The following CTDSPL variants were observed in gnomAD, a reference collection of about 807,000 sequenced individuals.
CTDSPL encodes CTD small phosphatase-like protein.
Under a neutral mutation model 30.5 loss-of-function variants are expected in CTDSPL, and 8 were observed. The observed-to-expected ratio is 0.26, with a 90% confidence interval of 0.15 to 0.47. The LOEUF (loss-of-function observed/expected upper bound fraction) is 0.47, where lower values mean the gene tolerates loss of function less well. Ranked by LOEUF, CTDSPL falls within the 20% of genes least tolerant of loss-of-function variation. The pLI, the probability that CTDSPL is intolerant of heterozygous loss-of-function variation, is 0.99. For synonymous variants in CTDSPL, 110 were observed against 137.9 expected, an observed-to-expected ratio of 0.80 and a Z score of 1.42; for missense variants, 248 against 366.1, an observed-to-expected ratio of 0.68 and a Z score of 2.63.
At chr3:37,956,465 T>C (rs1411917653) in intron 2 of CTDSPL, among the ~76,000 whole-genome samples, 3 of 152,228 alleles carry the variant, frequency 2.0e-5, no homozygotes, top group Admixed American at 6.5e-5. Flanking sequence ...ATCAATTAGG[T>C]TTGGAATGGC....
chr3:37,969,789 C>T (rs998007882), intron 5 of CTDSPL, among the ~76,000 whole-genome samples: 3 of 152,200 alleles, frequency 2.0e-5, no homozygotes, highest in East Asian at 1.9e-4. Context: ...CTCGCTCCAC[C>T]CTCAGCCACA....
In CTDSPL at chr3:37,984,456, C is replaced by T. The variant is rs1699531643; in HGVS notation, c.*3589C>T. ...TGATTTCCTTCCTGCCAAAAATAAACATGTGAAACTGCACTCTTTTGTGGA... is the reference window on the plus strand; with the variant it reads ...TGATTTCCTTCCTGCCAAAAATAAATATGTGAAACTGCACTCTTTTGTGGA... On this transcript the variant is annotated 3_prime_UTR_variant, in exon 8 of 8. Coordinates refer to ENST00000273179, the MANE Select transcript of CTDSPL (RefSeq NM_001008392.2). 2.6e-6 allele frequency: 1 copy of T among 385,612 alleles called. No homozygotes were observed. Among genetic ancestry groups the T allele is most frequent in the Non-Finnish European group, 5.3e-6 (1 of 187,566 alleles). 23.9% of individuals were successfully genotyped at this position (385,612 alleles called of 1,614,324 possible).
At chr3:37,950,044 C>T (rs1020481934) in intron 2 of CTDSPL, among the ~76,000 whole-genome samples, 1 of 152,242 alleles carries the variant, frequency 6.6e-6, no homozygotes, top group Non-Finnish European at 1.5e-5. Context: ...TTGGAAAGAG[C>T]TCGCACTGCC....
chr3:37,903,806 G>A (rs1411479856), intron 1 of CTDSPL, among the ~76,000 whole-genome samples: 1 of 152,186 alleles, frequency 6.6e-6, no homozygotes, highest in Non-Finnish European at 1.5e-5. Context: ...CTCTTCCCCA[G>A]AGAAGCTACA....
intron 1 of CTDSPL, among the ~76,000 whole-genome samples, chr3:37,876,358 C>T (rs1698134245): frequency 6.6e-6 from 1 of 152,158 alleles, no homozygotes. Flanking sequence ...ATAACCACTA[C>T]CACAATCAAG....
intron 1 of CTDSPL, among the ~76,000 whole-genome samples, chr3:37,865,854 G>A (rs1487075567): frequency 6.6e-6 from 1 of 152,072 alleles, no homozygotes; most frequent in African/African-American, 2.4e-5. Context: ...ATGTTTAATT[G>A]GCCAGAACCA....
intron 1 of CTDSPL, among the ~76,000 whole-genome samples, chr3:37,926,529 T>C (rs527545718): frequency 6.6e-5 from 10 of 152,364 alleles, no homozygotes; most frequent in Admixed American, 2.0e-4. Context: ...TATTCAGTTG[T>C]GAACCAGTTT....
rs74344132 is a variant in CTDSPL at position 37,946,652 on chromosome 3, C to T, written c.80-405C>T. On this transcript the variant is annotated intron_variant, in intron 1 of 7. Transcript: ENST00000273179. ...GTATCCATAATGGAGAGATGCTTCC[C>T]AGGGAGTGTCAAGTCGATTTGTGCC... Among the ~76,000 whole-genome samples the T allele has an allele frequency of 2.2e-4, 34 of 152,300 alleles. 1 individual carries two copies. The East Asian group carries it at 5.2e-3, about 23-fold the overall frequency.
chr3:37,960,515 T>A (rs1329781945), intron 3 of CTDSPL, among the ~76,000 whole-genome samples: 26 of 43,950 alleles, frequency 5.9e-4, no homozygotes, highest in African/African-American at 1.7e-3. Flanking sequence ...AATATATATA[T>A]ATATATATAT....
intron 1 of CTDSPL, among the ~76,000 whole-genome samples, chr3:37,899,165 A>G (rs1698421409): frequency 6.6e-6 from 1 of 152,232 alleles, no homozygotes; most frequent in Non-Finnish European, 1.5e-5. Flanking sequence ...GGAACCCAGA[A>G]GAGCAGTCTT....
intron 1 of CTDSPL, among the ~76,000 whole-genome samples, chr3:37,923,155 G>T (rs1356932739): frequency 6.6e-6 from 1 of 152,184 alleles, no homozygotes; most frequent in Non-Finnish European, 1.5e-5. Context: ...GTGGAGGGAG[G>T]GACAGTGGCG....
At chr3:37,944,148 C>A (rs958523258) in intron 1 of CTDSPL, among the ~76,000 whole-genome samples, 3 of 149,088 alleles carry the variant, frequency 2.0e-5, no homozygotes, top group Admixed American at 1.4e-4. Context: ...ACTGTTTACT[C>A]CCCCCCCATT....
intron 1 of CTDSPL, among the ~76,000 whole-genome samples, chr3:37,939,831 C>T (rs1698957523): frequency 6.6e-6 from 1 of 150,498 alleles, no homozygotes. Flanking sequence ...CGGTGGTTCA[C>T]GCCTATAATC....
intron 1 of CTDSPL, among the ~76,000 whole-genome samples, chr3:37,883,087 A>G (rs1208162793): frequency 1.3e-5 from 2 of 152,262 alleles, no homozygotes; most frequent in African/African-American, 4.8e-5. Flanking sequence ...TTGGGAATAA[A>G]GAAACTGAAT....
chr3:37,976,292 G>A lies in CTDSPL; in HGVS notation c.705+398G>A, dbSNP rs371877212. 1.8e-4 allele frequency among the ~76,000 whole-genome samples: 28 copies of A among 152,232 alleles called. No homozygotes were observed. In the South Asian group the frequency reaches 2.9e-3, roughly 16 times the overall value. ...AGCCAGCTACTGCGTAGGACTTCATGACCCCTGTAGACTAAGGAGGCCTGG... is the reference window on the plus strand; with the variant it reads ...AGCCAGCTACTGCGTAGGACTTCATAACCCCTGTAGACTAAGGAGGCCTGG... On this transcript the variant is annotated intron_variant, in intron 7 of 7. Transcript: ENST00000273179.
At chr3:37,890,518 T>A (rs80288276) in intron 1 of CTDSPL, among the ~76,000 whole-genome samples, 4,511 of 152,316 alleles carry the variant, frequency 0.03, 176 homozygotes, top group African/African-American at 0.091. Context: ...CTCAAAGTAG[T>A]GGGTTTTAAA....
intron 5 of CTDSPL, 119 bp downstream of exon 5, chr3:37,968,001 G>A (rs1699318908): frequency 4.4e-6 from 3 of 682,068 alleles, no homozygotes; most frequent in South Asian, 1.9e-5. Flanking sequence ...TCAAAAGGAA[G>A]CATACTGTAA....
intron 2 of CTDSPL, among the ~76,000 whole-genome samples, chr3:37,956,717 T>A (rs1278118716): frequency 6.6e-6 from 1 of 152,208 alleles, no homozygotes; most frequent in Non-Finnish European, 1.5e-5. Context: ...GCGTATGATA[T>A]TGACTTAGTC....
intron 1 of CTDSPL, among the ~76,000 whole-genome samples, chr3:37,898,060 G>A (rs2125599814): frequency 6.6e-6 from 1 of 152,270 alleles, no homozygotes; most frequent in South Asian, 2.1e-4. Context: ...AACTCTTCAA[G>A]TGCCTCGTAT....
Sources: gnomAD v4.1 joint callset for allele counts (sites outside exome capture counted in the v4.1 genomes callset) on GRCh38, gnomAD v4.1.1 for gene constraint, MANE v1.5 for transcripts, NCBI Gene and HGNC (gene_info 2026-07-23, HGNC 2026-07-21) for gene names.